Variants in MYO1D observed in about 807,000 individuals in gnomAD.
MYO1D encodes myosin ID, also known as unconventional myosin-Id.
A neutral mutation model predicts 122.0 loss-of-function variants in MYO1D; 83 were observed. The ratio of observed to expected loss-of-function variants is 0.68; its 90% confidence interval spans 0.57 to 0.82. MYO1D has a LOEUF of 0.82. MYO1D is among the 40% of genes least tolerant of loss of function. The pLI is 0.00. For synonymous variants in MYO1D, 464 were observed against 446.9 expected (o/e 1.04, Z -0.48); for missense variants, 1,157 against 1,269.5 (o/e 0.91, Z 1.35).
intron 1 of MYO1D, among the ~76,000 whole-genome samples, chr17:32,819,543 T>C (rs1341612086): frequency 6.6e-6 from 1 of 152,190 alleles, no homozygotes; most frequent in Non-Finnish European, 1.5e-5. Flanking sequence ...TTATTGTTTA[T>C]ATATACTTAT....
Position 32,760,356 on chromosome 17 carries a change from T to TA in MYO1D, c.1229dup (p.Phe411IlefsTer24). 2.5e-6 allele frequency: 4 copies of TA among 1,612,562 alleles called. No homozygotes were observed. Among genetic ancestry groups the TA allele is most frequent in the Non-Finnish European group, 3.4e-6 (4 of 1,178,840 alleles). On this transcript the variant is annotated frameshift_variant, in exon 10 of 22. Transcript: ENST00000318217. LOFTEE classifies it high-confidence loss of function. The stretch of plus-strand genomic sequence containing the variant: ...CTTGCTTCAGAACCAGCTGAATAAA[T>TA]AGCTGCTGCAGTTTCTCATTGCAGT...
chr17:32,608,736 C>G (rs1010118267), intron 20 of MYO1D, among the ~76,000 whole-genome samples: 1 of 152,142 alleles, frequency 6.6e-6, no homozygotes, highest in Admixed American at 6.5e-5. Flanking sequence ...TTGACAAAAG[C>G]TGGAAACGAC....
chr17:32,684,151 T>A (rs2088970284), intron 16 of MYO1D: 1 of 155,018 alleles, frequency 6.5e-6, no homozygotes, highest in Non-Finnish European at 1.4e-5. Flanking sequence ...TGTCTGGCAC[T>A]CCCTAGTGAG....
At chr17:32,754,019 T>A (rs1310642538) in intron 11 of MYO1D, among the ~76,000 whole-genome samples, 3 of 152,220 alleles carry the variant, frequency 2.0e-5, no homozygotes, top group African/African-American at 7.2e-5. Flanking sequence ...ATTTCTCATG[T>A]GAGACTCATA....
At chr17:32,816,645 T>C (rs1431911978) in intron 1 of MYO1D, among the ~76,000 whole-genome samples, 1 of 152,248 alleles carries the variant, frequency 6.6e-6, no homozygotes, top group African/African-American at 2.4e-5. Context: ...AATTTTTCTC[T>C]AAACATATTT....
chr17:32,759,930 G>A (rs1466514185), intron 10 of MYO1D: 1 of 509,566 alleles, frequency 2.0e-6, no homozygotes, highest in Non-Finnish European at 3.5e-6. Context: ...GAGGAAAAAG[G>A]GAAGAAGAAA....
chr17:32,547,607 C>T (rs1279598937), intron 21 of MYO1D, among the ~76,000 whole-genome samples: 1 of 152,194 alleles, frequency 6.6e-6, no homozygotes, highest in African/African-American at 2.4e-5. Context: ...CTGCAGCATC[C>T]CAAGTGATTG....
At chr17:32,794,968 C>CA (rs576602793) in intron 1 of MYO1D, among the ~76,000 whole-genome samples, 125 of 152,150 alleles carry the variant, frequency 8.2e-4, no homozygotes, top group African/African-American at 2.9e-3. Context: ...AGTAGAGAGA[C>CA]AGAGAAGTAG....
At chr17:32,864,007 C>CTTTTCTTT (rs2091100932) in intron 1 of MYO1D, among the ~76,000 whole-genome samples, 13 of 48,960 alleles carry the variant, frequency 2.7e-4, no homozygotes, top group African/African-American at 1.4e-3. Context: ...ACATTTCTTC[C>CTTTTCTTT]TTTTTTTTTT....
intron 21 of MYO1D, among the ~76,000 whole-genome samples, chr17:32,603,772 G>A (rs979062315): frequency 7.2e-5 from 11 of 152,010 alleles, no homozygotes; most frequent in Admixed American, 3.9e-4. Context: ...TGATCCGCCC[G>A]CCTCAGCCTC....
chr17:32,685,083 G>A (rs1001179301), intron 16 of MYO1D, among the ~76,000 whole-genome samples: 2 of 152,018 alleles, frequency 1.3e-5, no homozygotes, highest in African/African-American at 4.8e-5. Context: ...GGGAAAAGGT[G>A]CACATCCTTA....
chr17:32,549,148 AGTG>A (rs1382164395), intron 21 of MYO1D, among the ~76,000 whole-genome samples: 1 of 152,196 alleles, frequency 6.6e-6, no homozygotes, highest in African/African-American at 2.4e-5. Context: ...GCTGGAGTTC[AGTG>A]GTGCCATCTC....
At chr17:32,810,415 G>A (rs1303848558) in intron 1 of MYO1D, among the ~76,000 whole-genome samples, 2 of 152,006 alleles carry the variant, frequency 1.3e-5, no homozygotes, top group Non-Finnish European at 2.9e-5. Flanking sequence ...GCAAATGATT[G>A]AAAATTCCTG....
chr17:32,835,580 G>A (rs1218595163), intron 1 of MYO1D, among the ~76,000 whole-genome samples: 2 of 152,192 alleles, frequency 1.3e-5, no homozygotes, highest in African/African-American at 4.8e-5. Context: ...TCTACCTACT[G>A]TTACTGGTTC....
intron 14 of MYO1D, among the ~76,000 whole-genome samples, chr17:32,735,081 A>AC (rs2089683816): frequency 2.2e-5 from 3 of 138,032 alleles, no homozygotes; most frequent in Non-Finnish European, 4.7e-5. Context: ...ATTCCATCTG[A>AC]ACACACACAC....
At chr17:32,537,560 T>A (rs1262788465) in intron 21 of MYO1D, among the ~76,000 whole-genome samples, 1 of 152,242 alleles carries the variant, frequency 6.6e-6, no homozygotes, top group African/African-American at 2.4e-5. Flanking sequence ...GCCAGTATCA[T>A]AAATGTTTAG....
intron 16 of MYO1D, among the ~76,000 whole-genome samples, chr17:32,689,471 C>G (rs1355754378): frequency 1.3e-5 from 2 of 152,170 alleles, no homozygotes; most frequent in Non-Finnish European, 2.9e-5. Context: ...ACAAAAACTA[C>G]TGAATAAAAA....
chr17:32,818,878 A>C (rs2090636573), intron 1 of MYO1D, among the ~76,000 whole-genome samples: 1 of 152,258 alleles, frequency 6.6e-6, no homozygotes, highest in African/African-American at 2.4e-5. Context: ...ACAAAATCTT[A>C]TGAAGTTCTG....
At chr17:32,695,048 T>G (rs2089153976) in intron 16 of MYO1D, among the ~76,000 whole-genome samples, 1 of 152,182 alleles carries the variant, frequency 6.6e-6, no homozygotes, top group African/African-American at 2.4e-5. Flanking sequence ...TAACTACCAC[T>G]GCTGCAATTT....
Sources: gnomAD v4.1 joint callset for allele counts (sites outside exome capture counted in the v4.1 genomes callset) on GRCh38, gnomAD v4.1.1 for gene constraint, MANE v1.5 for transcripts, NCBI Gene and HGNC (gene_info 2026-07-23, HGNC 2026-07-21) for gene names.